Variants in KANSL1 observed in about 807,000 individuals in gnomAD.
KANSL1 encodes the protein MLL1/MLL complex subunit KANSL1.
A neutral mutation model predicts 103.6 loss-of-function variants in KANSL1; 22 were observed. That is an observed-to-expected ratio of 0.21 (90% CI 0.15 to 0.30). The LOEUF is 0.30. KANSL1 is among the 10% of genes least tolerant of loss of function. The pLI is 1.00. For synonymous variants in KANSL1, 600 were observed against 527.6 expected (o/e 1.14, Z -1.88); for missense variants, 1,337 against 1,399.8 (o/e 0.96, Z 0.72).
At chr17:46,170,161 A>C (rs2046208864) in intron 2 of KANSL1, 1 of 151,876 alleles carries the variant, frequency 6.6e-6, no homozygotes, top group South Asian at 2.1e-4. Flanking sequence ...ACAAAACAAA[A>C]CAAAAAACAA....
At chr17:46,082,184 T>C (rs2079010960) in intron 4 of KANSL1, among the ~76,000 whole-genome samples, 1 of 152,196 alleles carries the variant, frequency 6.6e-6, no homozygotes, top group African/African-American at 2.4e-5. Context: ...TGATACTCCC[T>C]AAAGCCTTAC....
intron 2 of KANSL1, among the ~76,000 whole-genome samples, chr17:46,148,621 CTG>C (rs1434788683): frequency 2.0e-5 from 3 of 151,242 alleles, no homozygotes; most frequent in Non-Finnish European, 4.4e-5. Context: ...GAGTCTCCCT[CTG>C]TCGCCCAGGC....
chr17:46,218,215 A>G (rs1281290722), intron 1 of KANSL1, among the ~76,000 whole-genome samples: 4 of 152,254 alleles, frequency 2.6e-5, no homozygotes, highest in South Asian at 2.1e-4. Flanking sequence ...GCCACTCAGC[A>G]TATGTCACTC....
intron 1 of KANSL1, among the ~76,000 whole-genome samples, chr17:46,174,136 T>A (rs1238717473): frequency 3.3e-5 from 5 of 152,230 alleles, no homozygotes; most frequent in Non-Finnish European, 5.9e-5. Flanking sequence ...AAAACTTGTA[T>A]CAACAATCAT....
intron 6 of KANSL1, among the ~76,000 whole-genome samples, chr17:46,060,475 A>T (rs1367920434): frequency 2.0e-5 from 3 of 152,196 alleles, no homozygotes; most frequent in African/African-American, 7.2e-5. Flanking sequence ...ATAACAGTTT[A>T]GAGGTAACTG....
At chr17:46,052,794 T>TTAA (rs1555739574) in intron 6 of KANSL1, among the ~76,000 whole-genome samples, 33 of 118,298 alleles carry the variant, frequency 2.8e-4, no homozygotes, top group Non-Finnish European at 3.7e-4. Flanking sequence ...AATTTAAAAT[T>TTAA]AAAAAAAAAA....
intron 2 of KANSL1, among the ~76,000 whole-genome samples, chr17:46,114,961 G>A (rs1050943516): frequency 1.3e-5 from 2 of 152,176 alleles, no homozygotes; most frequent in African/African-American, 4.8e-5. Context: ...CTAAAGATCT[G>A]TCCAGATTTA....
At chr17:46,109,085 G>A (rs2042692745) in intron 2 of KANSL1, among the ~76,000 whole-genome samples, 1 of 152,154 alleles carries the variant, frequency 6.6e-6, no homozygotes. Flanking sequence ...CAGTAGCTGG[G>A]ACCTCAGATG....
intron 1 of KANSL1, among the ~76,000 whole-genome samples, chr17:46,204,968 G>GA (rs534360379): frequency 6.6e-6 from 1 of 151,978 alleles, no homozygotes; most frequent in Non-Finnish European, 1.5e-5. Context: ...ACCTATGGGG[G>GA]AAAAAAAGAA....
intron 1 of KANSL1, among the ~76,000 whole-genome samples, chr17:46,179,540 C>G (rs1399341847): frequency 6.6e-6 from 1 of 152,206 alleles, no homozygotes; most frequent in Non-Finnish European, 1.5e-5. Context: ...TAACCTCTTC[C>G]TTCACCATTA....
chr17:46,058,798 A>G (rs1023171982), intron 6 of KANSL1, among the ~76,000 whole-genome samples: 2 of 147,718 alleles, frequency 1.4e-5, no homozygotes, highest in Non-Finnish European at 3.0e-5. Context: ...CTCTCAAAAC[A>G]TAAGAAAAAT....
intron 10 of KANSL1, chr17:46,035,803 T>C (rs2077129086): frequency 6.6e-6 from 1 of 152,194 alleles, no homozygotes; most frequent in Non-Finnish European, 1.5e-5. Flanking sequence ...TTGGGCTTGT[T>C]GTTAGTACCT....
In KANSL1 at chr17:46,184,467, G is replaced by A. The variant is rs562327064; in HGVS notation, c.-90+8356C>T. ...TTAGAAAGGGAAGAAAAAAGGAAAGGAGGGGGTAAACCTAAATCTAACCAT... is the reference window on the plus strand; with the variant it reads ...TTAGAAAGGGAAGAAAAAAGGAAAGAAGGGGGTAAACCTAAATCTAACCAT... On this transcript the variant is annotated intron_variant, in intron 1 of 14. Coordinates refer to ENST00000432791, the MANE Select transcript of KANSL1 (RefSeq NM_015443.4). 6.6e-5 allele frequency among the ~76,000 whole-genome samples: 10 copies of A among 152,354 alleles called. No homozygotes were observed. The East Asian group carries it at 1.9e-3, about 29-fold the overall frequency.
At chr17:46,051,544 C>A (rs1174109163) in intron 6 of KANSL1, among the ~76,000 whole-genome samples, 1 of 152,156 alleles carries the variant, frequency 6.6e-6, no homozygotes, top group Non-Finnish European at 1.5e-5. Context: ...ATACTTTGAG[C>A]AAATTTCAGG....
intron 1 of KANSL1, among the ~76,000 whole-genome samples, chr17:46,178,345 G>C (rs2046627886): frequency 6.6e-6 from 1 of 152,196 alleles, no homozygotes; most frequent in South Asian, 2.1e-4. Context: ...ATAATTAACT[G>C]ATTAATCCTC....
chr17:46,062,125 A>AC (rs1337872067), intron 6 of KANSL1, among the ~76,000 whole-genome samples: 3 of 137,488 alleles, frequency 2.2e-5, no homozygotes, highest in East Asian at 3.9e-4. Context: ...AAACAAAAAA[A>AC]AAAAAAAAAC....
Position 46,096,899 on chromosome 17 carries a change from G to A in KANSL1, c.1290-2198C>T, listed in dbSNP as rs545072634. Among the ~76,000 whole-genome samples, 295 of 152,310 alleles carry A rather than the reference G, an allele frequency of 1.9e-3. 2 individuals are homozygous for A. The South Asian group carries it at 0.023, about 12-fold the overall frequency. ...CCCAAAGTGCTGGGATTACAGGCGT[G>A]AGCCACTGAGCCTAGCCCCACTGGC... On this transcript the variant is annotated intron_variant, in intron 2 of 14. Transcript: ENST00000432791.
intron 7 of KANSL1, chr17:46,040,825 A>AT (rs1260742343): frequency 3.3e-5 from 5 of 152,056 alleles, no homozygotes; most frequent in African/African-American, 1.2e-4. Flanking sequence ...GTTTGTCTTG[A>AT]TTTTCTCTTG....
intron 2 of KANSL1, among the ~76,000 whole-genome samples, chr17:46,109,924 T>C (rs941242957): frequency 3.9e-5 from 6 of 152,194 alleles, no homozygotes; most frequent in African/African-American, 1.2e-4. Flanking sequence ...TGAATCAAAT[T>C]CCAGCATGCA....
Sources: allele counts gnomAD v4.1 joint callset (sites outside exome capture counted in the v4.1 genomes callset), GRCh38; gene constraint gnomAD v4.1.1; transcripts MANE v1.5; gene names NCBI Gene and HGNC (gene_info 2026-07-23, HGNC 2026-07-21).